ADI1: variants seen among roughly 807,000 people sequenced by gnomAD.
ADI1 encodes acireductone dioxygenase 1.
In ADI1, 21 loss-of-function variants were observed where a neutral mutation model predicts 18.7. The observed-to-expected ratio is 1.13, with a 90% CI of 0.80 to 1.62. The LOEUF is 1.62. ADI1 is among the 40% of genes most tolerant of loss of function. ADI1 has a pLI of 0.00. For missense variants in ADI1, 245 were observed against 254.9 expected, an observed-to-expected ratio of 0.96 and a Z score of 0.26; for synonymous variants, 90 against 100.1, an observed-to-expected ratio of 0.90 and a Z score of 0.60.
intron 1 of ADI1, chr2:3,517,318 A>G (rs576919429): frequency 4.6e-5 from 7 of 152,314 alleles, no homozygotes; most frequent in African/African-American, 1.4e-4. Context: ...GCCCTACAAA[A>G]CCCACTGTTG....
At chr2:3,519,075 C>T (rs1420177343) in intron 1 of ADI1, among the ~76,000 whole-genome samples, 2 of 151,448 alleles carry the variant, frequency 1.3e-5, no homozygotes, top group Admixed American at 6.6e-5. Context: ...TGAGCATGCG[C>T]AGCACACCAC....
intron 1 of ADI1, among the ~76,000 whole-genome samples, chr2:3,518,500 C>T (rs1267456965): frequency 6.6e-6 from 1 of 152,214 alleles, no homozygotes; most frequent in Non-Finnish European, 1.5e-5. Context: ...GTGCAAGCAA[C>T]GGGACACCGG....
At chr2:3,519,204 C>T in intron 1 of ADI1, 164 bp downstream of exon 1, 4 of 1,096,544 alleles carry the variant, frequency 3.6e-6, no homozygotes, top group Non-Finnish European at 4.7e-6. Context: ...CGCAGCCCAC[C>T]CCAGGCACCG....
chr2:3,503,815 T>C lies in ADI1; in HGVS notation c.241-2822A>G, dbSNP rs571755490. On this transcript the variant is annotated intron_variant, in intron 2 of 3. Coordinates refer to ENST00000327435, the MANE Select transcript of ADI1 (RefSeq NM_018269.4). The stretch of plus-strand genomic sequence containing the variant: ...GCCAAGCCTGAGGTCTGGGACAACG[T>C]GAAGATCAACATAAATCCCAGCAAG... Among the ~76,000 whole-genome samples, 5 of 152,212 alleles carry C rather than the reference T, an allele frequency of 3.3e-5. No homozygotes were observed. In the South Asian group the frequency reaches 1.0e-3, roughly 32 times the overall value.
chr2:3,519,465 T>C lies in ADI1; in HGVS notation c.23A>G (p.Asp8Gly), dbSNP rs1393381879. ...TTGCCGCGGGTCGCCCGGGGCGTCG[T>C]CCATATACCAGGCCTGCACCATGAC... MVQAWYM[D>G]DAPGDPRQPH... Residue 8 changes from aspartate (D) to glycine (G), a missense_variant, in exon 1 of 4, where the codon GAC becomes GGC. By Grantham distance (94) the Asp-to-Gly change is moderately conservative. Transcript: ENST00000327435. 7.4e-7 allele frequency: 1 copy of C among 1,352,880 alleles called. No homozygotes were observed. The highest frequency in any genetic ancestry group is 1.8e-5 in the South Asian group (1 of 54,932). The allele number at this position is 1,352,880 out of a possible 1,614,324, so 83.8% of individuals were successfully genotyped here. A position where few individuals can be genotyped will look rare whatever the true frequency, so the allele number is the denominator to read the frequency against.
At chr2:3,510,842 A>G (rs570663538) in intron 2 of ADI1, among the ~76,000 whole-genome samples, 33 of 152,362 alleles carry the variant, frequency 2.2e-4, no homozygotes, top group African/African-American at 7.9e-4. Context: ...TTCACTGGTG[A>G]ATCTCCAAAC....
chr2:3,518,508 C>G (rs193118410), intron 1 of ADI1, among the ~76,000 whole-genome samples: 63 of 152,326 alleles, frequency 4.1e-4, no homozygotes, highest in African/African-American at 1.4e-3. Context: ...AACGGGACAC[C>G]GGTGCAAAGC....
At chr2:3,506,848 GAT>G (rs1478569566) in intron 2 of ADI1, among the ~76,000 whole-genome samples, 17 of 152,316 alleles carry the variant, frequency 1.1e-4, no homozygotes, top group African/African-American at 3.8e-4. Flanking sequence ...TAGAAAAATA[GAT>G]CAACTGATCT....
intron 2 of ADI1, among the ~76,000 whole-genome samples, chr2:3,506,312 C>T (rs1240920238): frequency 6.6e-6 from 1 of 152,192 alleles, no homozygotes; most frequent in African/African-American, 2.4e-5. Flanking sequence ...AAAGAATCAA[C>T]AAAGAAAAGC....
At chr2:3,519,187 G>T in intron 1 of ADI1, 181 bp downstream of exon 1, 1 of 922,700 alleles carries the variant, frequency 1.1e-6, no homozygotes, top group Non-Finnish European at 1.5e-6. Flanking sequence ...CCCCACTGCT[G>T]AGCATGCGCA....
At chr2:3,519,311 C>T in intron 1 of ADI1, 57 bp downstream of exon 1, 1 of 1,342,202 alleles carries the variant, frequency 7.5e-7, no homozygotes, top group Non-Finnish European at 9.5e-7. Flanking sequence ...CTGGGCTGTG[C>T]GCGGCGTTTG....
intron 2 of ADI1, among the ~76,000 whole-genome samples, chr2:3,504,454 T>C (rs1226951801): frequency 6.6e-6 from 1 of 152,188 alleles, no homozygotes; most frequent in East Asian, 1.9e-4. Flanking sequence ...GGCTGGCTCA[T>C]CTCAACTTCC....
At chr2:3,517,762 A>C (rs1667442184) in intron 1 of ADI1, 1 of 152,154 alleles carries the variant, frequency 6.6e-6, no homozygotes, top group South Asian at 2.1e-4. Context: ...GCAAAAAAAA[A>C]AAAGAAAGGA....
chr2:3,504,888 G>A (rs575930675), intron 2 of ADI1, among the ~76,000 whole-genome samples: 2 of 152,036 alleles, frequency 1.3e-5, no homozygotes, highest in South Asian at 4.1e-4. Flanking sequence ...GTTCACCTGC[G>A]TATGTTTGCG....
chr2:3,506,389 CT>C (rs1356535681), intron 2 of ADI1, among the ~76,000 whole-genome samples: 2 of 152,224 alleles, frequency 1.3e-5, no homozygotes, highest in Admixed American at 1.3e-4. Context: ...AAGTTAATCA[CT>C]TTCCTATATA....
intron 1 of ADI1, chr2:3,514,724 G>A: frequency 6.6e-7 from 1 of 1,504,190 alleles, no homozygotes; most frequent in Non-Finnish European, 8.9e-7. Context: ...GAATTCATCT[G>A]AACTCTTATT....
chr2:3,518,538 C>A (rs1376438626), intron 1 of ADI1, among the ~76,000 whole-genome samples: 2 of 152,228 alleles, frequency 1.3e-5, no homozygotes, highest in Non-Finnish European at 2.9e-5. Context: ...CCTTGCAAAG[C>A]TAGCGTTACA....
intron 2 of ADI1, among the ~76,000 whole-genome samples, chr2:3,503,439 T>A (rs12714383): frequency 0.058 from 2,728 of 46,920 alleles, 1,154 homozygotes; most frequent in African/African-American, 0.55. Flanking sequence ...GCATTCACAC[T>A]CATGCACACA....
chr2:3,510,083 C>T (rs543866930), intron 2 of ADI1, among the ~76,000 whole-genome samples: 32 of 147,152 alleles, frequency 2.2e-4, no homozygotes, highest in African/African-American at 6.3e-4. Context: ...GCGGAGGTTG[C>T]GGAGAGCCGA....
Sources: allele counts gnomAD v4.1 joint callset (sites outside exome capture counted in the v4.1 genomes callset), GRCh38; gene constraint gnomAD v4.1.1; transcripts MANE v1.5; gene names NCBI Gene and HGNC (gene_info 2026-07-23, HGNC 2026-07-21).